SIPA1L2: variants seen among roughly 807,000 people sequenced by gnomAD.
SIPA1L2 encodes signal induced proliferation associated 1 like 2, also known as signal-induced proliferation-associated 1-like protein 2.
SIPA1L2 carries 56 observed loss-of-function variants against 163.9 expected under a neutral mutation model. That is an observed-to-expected ratio of 0.34 (90% confidence interval 0.28 to 0.43). The LOEUF (loss-of-function observed/expected upper bound fraction) is 0.43. Among genes scored for constraint, SIPA1L2 ranks in the 20% least tolerant of loss-of-function variants. The pLI, the probability that SIPA1L2 is intolerant of heterozygous loss-of-function variation, is 1.00. For synonymous variants in SIPA1L2, 877 were observed against 865.7 expected (o/e 1.01, Z -0.23); for missense variants, 1,974 against 2,193.5 (o/e 0.90, Z 2.00).
chr1:232,512,660 G>A (rs1269006937), intron 3 of SIPA1L2, among the ~76,000 whole-genome samples: 2 of 152,128 alleles, frequency 1.3e-5, no homozygotes, highest in Non-Finnish European at 2.9e-5. Context: ...ATAAGCAGGA[G>A]GGAGAGCTTT....
intron 8 of SIPA1L2, among the ~76,000 whole-genome samples, chr1:232,466,033 A>C (rs1047103731): frequency 6.6e-6 from 1 of 152,100 alleles, no homozygotes; most frequent in Non-Finnish European, 1.5e-5. Context: ...TAAGCCACCT[A>C]GCCTGTGGCA....
At chr1:232,590,804 G>C (rs1660921153) in intron 1 of SIPA1L2, among the ~76,000 whole-genome samples, 1 of 152,208 alleles carries the variant, frequency 6.6e-6, no homozygotes, top group Admixed American at 6.5e-5. Flanking sequence ...ATCGAACAGT[G>C]AATTCTTTAC....
At chr1:232,460,452 G>C (rs141201696) in intron 10 of SIPA1L2, among the ~76,000 whole-genome samples, 4 of 151,956 alleles carry the variant, frequency 2.6e-5, no homozygotes, top group Non-Finnish European at 4.4e-5. Context: ...TACAACTATT[G>C]GTCTGTTAAA....
chr1:232,476,458 T>A (rs989322210), intron 7 of SIPA1L2, among the ~76,000 whole-genome samples: 1 of 152,166 alleles, frequency 6.6e-6, no homozygotes, highest in Non-Finnish European at 1.5e-5. Flanking sequence ...AAGAATTTCG[T>A]TGCCAAAGTG....
At chr1:232,473,571 T>C (rs530941528) in intron 7 of SIPA1L2, among the ~76,000 whole-genome samples, 1 of 152,352 alleles carries the variant, frequency 6.6e-6, no homozygotes, top group Admixed American at 6.5e-5. Flanking sequence ...TGAAGGAACA[T>C]GATGGGTCTG....
At chr1:232,611,136 T>C (rs2102874037) in intron 1 of SIPA1L2, among the ~76,000 whole-genome samples, 1 of 152,292 alleles carries the variant, frequency 6.6e-6, no homozygotes, top group African/African-American at 2.4e-5. Context: ...TGCATCTTCC[T>C]CATTTTCTCC....
Position 232,513,809 on chromosome 1 carries a change from A to T in SIPA1L2, c.1483+48T>A, listed in dbSNP as rs748760613. 7 of 1,518,010 alleles carry T rather than the reference A, an allele frequency of 4.6e-6. No individual in the cohort carries two copies. The African/African-American group carries it at 8.4e-5, about 18-fold the overall frequency. 94.0% of individuals were successfully genotyped at this position (1,518,010 alleles called of 1,614,324 possible). A position where few individuals can be genotyped will look rare whatever the true frequency, so the allele number is the denominator to read the frequency against. On this transcript the variant is annotated intron_variant, in intron 3 of 22. Coordinates refer to ENST00000674635, the MANE Select transcript of SIPA1L2 (RefSeq NM_020808.5). ...AAGCAAAACATTGTGACTGGTTCTT[A>T]AAAAACTACTCCCGAGACACATGCA...
chr1:232,529,588 G>A (rs913106827), intron 2 of SIPA1L2, among the ~76,000 whole-genome samples: 1 of 152,158 alleles, frequency 6.6e-6, no homozygotes, highest in Non-Finnish European at 1.5e-5. Flanking sequence ...AAGATTTCCT[G>A]CTGTTGTTCT....
intron 1 of SIPA1L2, among the ~76,000 whole-genome samples, chr1:232,588,645 G>A (rs1012256413): frequency 6.6e-6 from 1 of 152,182 alleles, no homozygotes; most frequent in Admixed American, 6.5e-5. Context: ...TTATCTGAAA[G>A]GAAATTCAAG....
At chr1:232,443,185 C>T (rs1187456541) in intron 12 of SIPA1L2, among the ~76,000 whole-genome samples, 2 of 152,198 alleles carry the variant, frequency 1.3e-5, no homozygotes, top group Non-Finnish European at 2.9e-5. Context: ...GACTGGACTG[C>T]GTGGATACTA....
intron 3 of SIPA1L2, among the ~76,000 whole-genome samples, chr1:232,495,256 AAC>A (rs1371799451): frequency 6.6e-6 from 1 of 152,184 alleles, no homozygotes; most frequent in Non-Finnish European, 1.5e-5. Flanking sequence ...GCAGCAAGTA[AAC>A]TATTTTAAAA....
chr1:232,490,729 A>G, intron 5 of SIPA1L2, 145 bp downstream of exon 5: 1 of 850,898 alleles, frequency 1.2e-6, no homozygotes. Context: ...CTAGTATAAA[A>G]ACATATTTGG....
Position 232,458,471 on chromosome 1 carries a change from C to A in SIPA1L2, c.3095+2416G>T, listed in dbSNP as rs757243646. 5.3e-5 allele frequency among the ~76,000 whole-genome samples: 8 copies of A among 152,192 alleles called. No homozygotes were observed. The South Asian group carries it at 6.2e-4, about 12-fold the overall frequency. On this transcript the variant is annotated intron_variant, in intron 10 of 22. Transcript: ENST00000674635. The stretch of plus-strand genomic sequence containing the variant: ...TATTTCTAAATACCAAATATCACGA[C>A]AACTTTACCATTTTTATTAAACAGA...
chr1:232,577,746 T>C (rs763624941), intron 1 of SIPA1L2, among the ~76,000 whole-genome samples: 2 of 152,142 alleles, frequency 1.3e-5, no homozygotes, highest in Non-Finnish European at 2.9e-5. Context: ...CGCCTAAAGA[T>C]CTGACTAAAT....
At chr1:232,563,340 A>G (rs894440950) in intron 2 of SIPA1L2, among the ~76,000 whole-genome samples, 5 of 152,200 alleles carry the variant, frequency 3.3e-5, no homozygotes, top group African/African-American at 1.2e-4. Flanking sequence ...GTCTGAACAC[A>G]CAGCAAACCT....
chr1:232,436,902 C>A (rs989151080), intron 15 of SIPA1L2, among the ~76,000 whole-genome samples: 3 of 152,132 alleles, frequency 2.0e-5, no homozygotes, highest in African/African-American at 7.2e-5. Flanking sequence ...CCACCATCAA[C>A]GAAGAATTAC....
chr1:232,581,514 C>T (rs765141110), intron 1 of SIPA1L2, among the ~76,000 whole-genome samples: 21 of 152,138 alleles, frequency 1.4e-4, no homozygotes, highest in Non-Finnish European at 1.8e-4. Flanking sequence ...CCAACAATGC[C>T]TGTAGTATGC....
chr1:232,547,589 G>A (rs1232724978), intron 2 of SIPA1L2, among the ~76,000 whole-genome samples: 2 of 143,428 alleles, frequency 1.4e-5, no homozygotes, highest in African/African-American at 5.2e-5. Context: ...GGTGGGGGCT[G>A]GGGGGGGCAG....
At chr1:232,622,456 T>G (rs1189339148) in intron 1 of SIPA1L2, among the ~76,000 whole-genome samples, 1 of 152,226 alleles carries the variant, frequency 6.6e-6, no homozygotes, top group Non-Finnish European at 1.5e-5. Context: ...TACTACACAA[T>G]TCAGAAATCC....
Sources: gnomAD v4.1 joint callset for allele counts (sites outside exome capture counted in the v4.1 genomes callset) on GRCh38, gnomAD v4.1.1 for gene constraint, MANE v1.5 for transcripts, NCBI Gene and HGNC (gene_info 2026-07-23, HGNC 2026-07-21) for gene names.